Variants in TLE1 observed in about 807,000 individuals in gnomAD.
TLE1 encodes the protein transducin-like enhancer protein 1.
In TLE1, 21 loss-of-function variants were observed where a neutral mutation model predicts 89.8. The ratio of observed to expected loss-of-function variants is 0.23; its 90% CI spans 0.17 to 0.34. TLE1 has a LOEUF of 0.34. Among genes scored for constraint, TLE1 ranks in the 10% least tolerant of loss-of-function variants. TLE1 has a pLI of 1.00. For synonymous variants in TLE1, 447 were observed against 407.6 expected, an observed-to-expected ratio of 1.10 and a Z score of -1.16; for missense variants, 795 against 1,031.2, an observed-to-expected ratio of 0.77 and a Z score of 3.14.
chr9:81,594,033 A>C (rs1433348272), intron 14 of TLE1, among the ~76,000 whole-genome samples: 1 of 152,150 alleles, frequency 6.6e-6, no homozygotes, highest in African/African-American at 2.4e-5. Flanking sequence ...GGAAGCTCTG[A>C]ACTTGAAAGA....
chr9:81,613,376 C>A lies in TLE1; in HGVS notation c.1063+1G>T. 6.2e-7 allele frequency: 1 copy of A among 1,613,660 alleles called. No individual in the cohort carries two copies. The highest frequency in any genetic ancestry group is 8.5e-7 in the Non-Finnish European group (1 of 1,179,790). Reference sequence around the variant, plus strand: ...AAGCACAACAAGAGGCGATGCTGTACCCGCTTGGTTAACGAGGGGGTCTAT... The same window carrying A: ...AAGCACAACAAGAGGCGATGCTGTAACCGCTTGGTTAACGAGGGGGTCTAT... On this transcript the variant is annotated splice_donor_variant, in intron 12 of 19. Transcript: ENST00000376499. LOFTEE classifies it high-confidence loss of function.
At chr9:81,606,787 CCATAT>C (rs1294905987) in intron 14 of TLE1, among the ~76,000 whole-genome samples, 1 of 151,050 alleles carries the variant, frequency 6.6e-6, no homozygotes, top group Non-Finnish European at 1.5e-5. Context: ...AAAAAAAAAA[CCATAT>C]ATATATATAT....
At chr9:81,587,039 T>G (rs573498779) in intron 17 of TLE1, among the ~76,000 whole-genome samples, 7 of 152,342 alleles carry the variant, frequency 4.6e-5, no homozygotes, top group African/African-American at 1.7e-4. Flanking sequence ...AAACACTGTT[T>G]TTTCCAAAAC....
At chr9:81,632,192 T>G (rs1826723142) in intron 8 of TLE1, among the ~76,000 whole-genome samples, 1 of 152,162 alleles carries the variant, frequency 6.6e-6, no homozygotes, top group Non-Finnish European at 1.5e-5. Flanking sequence ...GTGTGTAGAA[T>G]ATTTTATTTC....
intron 4 of TLE1, among the ~76,000 whole-genome samples, chr9:81,667,953 C>T (rs192518319): frequency 6.6e-6 from 1 of 152,212 alleles, no homozygotes; most frequent in African/African-American, 2.4e-5. Flanking sequence ...TGCCTGAGGC[C>T]AAGAGTTCGA....
chr9:81,601,807 C>G (rs1219456222), intron 14 of TLE1, among the ~76,000 whole-genome samples: 1 of 152,066 alleles, frequency 6.6e-6, no homozygotes, highest in South Asian at 2.1e-4. Context: ...TTCGAAAATG[C>G]GAACAAGGGA....
intron 14 of TLE1, among the ~76,000 whole-genome samples, chr9:81,609,330 C>T (rs1823407258): frequency 6.6e-6 from 1 of 152,136 alleles, no homozygotes; most frequent in Non-Finnish European, 1.5e-5. Context: ...GGTGATCCAC[C>T]CGCCTCAGCC....
intron 8 of TLE1, among the ~76,000 whole-genome samples, chr9:81,632,475 CTTTTTTT>C (rs11376391): frequency 1.1e-3 from 88 of 79,904 alleles, no homozygotes; most frequent in African/African-American, 2.9e-3. Context: ...TTCAGTATCC[CTTTTTTT>C]TTTTTTTTTT....
chr9:81,679,335 C>G (rs1833312114), intron 4 of TLE1, among the ~76,000 whole-genome samples: 1 of 151,680 alleles, frequency 6.6e-6, no homozygotes, highest in Non-Finnish European at 1.5e-5. Context: ...CCTGTGGACC[C>G]TGCTCAGGAA....
At chr9:81,598,059 G>A (rs772996825) in intron 14 of TLE1, among the ~76,000 whole-genome samples, 2 of 152,154 alleles carry the variant, frequency 1.3e-5, no homozygotes, top group African/African-American at 2.4e-5. Flanking sequence ...GACGGCTGTG[G>A]TCAAGCCCCG....
chr9:81,613,316 C>T, intron 12 of TLE1, 61 bp downstream of exon 12: 1 of 1,590,854 alleles, frequency 6.3e-7, no homozygotes, highest in Non-Finnish European at 8.6e-7. Flanking sequence ...CATTAACAGA[C>T]AACAAATCAA....
chr9:81,618,305 A>G (rs539718923), intron 9 of TLE1, among the ~76,000 whole-genome samples: 5 of 152,338 alleles, frequency 3.3e-5, no homozygotes, highest in East Asian at 3.9e-4. Flanking sequence ...TAGTACAAAC[A>G]AGTGCAAATA....
At chr9:81,638,658 A>T (rs1333699782) in intron 6 of TLE1, among the ~76,000 whole-genome samples, 1 of 152,138 alleles carries the variant, frequency 6.6e-6, no homozygotes, top group Non-Finnish European at 1.5e-5. Flanking sequence ...CAGAGTCTTC[A>T]CTGTTGCCCA....
chr9:81,593,018 C>G lies in TLE1; in HGVS notation c.1581+7G>C. The G allele has an allele frequency of 6.2e-7, 1 of 1,610,026 alleles. No individual in the cohort carries two copies. The highest frequency in any genetic ancestry group is 8.5e-7 in the Non-Finnish European group (1 of 1,176,678). On this transcript the variant is annotated splice_region_variant and intron_variant, in intron 15 of 19. Transcript: ENST00000376499. The stretch of plus-strand genomic sequence containing the variant: ...TTGCCCTTGTGCACCAGTTCCTGTT[C>G]ACTCACCAGACAGTCGAGCTGGGAG...
intron 4 of TLE1, among the ~76,000 whole-genome samples, chr9:81,660,408 T>A (rs1830625133): frequency 6.6e-6 from 1 of 151,988 alleles, no homozygotes; most frequent in South Asian, 2.1e-4. Context: ...GTTTTATTTT[T>A]TTATTTTATT....
At position 81,688,398 on chromosome 9, in the gene TLE1, G is replaced by A; in HGVS notation, c.-158C>T. 2.6e-6 allele frequency: 2 copies of A among 779,214 alleles called. No individual in the cohort carries two copies. The highest frequency in any genetic ancestry group is 3.7e-6 in the Non-Finnish European group (2 of 534,780). The allele number at this position is 779,214 out of a possible 1,614,324, so 48.3% of individuals were successfully genotyped here. On this transcript the variant is annotated 5_prime_UTR_variant, in exon 1 of 20. Coordinates refer to ENST00000376499, the MANE Select transcript of TLE1 (RefSeq NM_005077.5). ...GCTCCGCCGGGCGCACCGGCCACTC[G>A]GCGCCCGCAGCTGCTCCGGCTCCCG...
chr9:81,611,918 G>A lies in TLE1; in HGVS notation c.1105C>T (p.Pro369Ser). Residue 369 changes from proline (P) to serine (S), a missense_variant, in exon 13 of 20, where the codon CCT becomes TCT. Physicochemically the swap from Pro to Ser is moderately conservative, Grantham distance 74 (BLOSUM62 -1). Transcript: ENST00000376499. ...RTPLAVPGPY[P>S]APFGMVPHAG... ...TGGGGGACCATCCCAAAAGGAGCAG[G>A]ATATGGGCCGGGCACTGCCAGGGGT... 6.6e-7 allele frequency: 1 copy of A among 1,512,098 alleles called. No individual in the cohort carries two copies. The highest frequency in any genetic ancestry group is 8.8e-7 in the Non-Finnish European group (1 of 1,133,654). The allele number at this position is 1,512,098 out of a possible 1,614,324, so 93.7% of individuals were successfully genotyped here.
chr9:81,612,124 C>G (rs1281717594), intron 12 of TLE1, among the ~76,000 whole-genome samples, 165 bp from the exon 13 acceptor site: 3 of 152,160 alleles, frequency 2.0e-5, no homozygotes, highest in Non-Finnish European at 4.4e-5. Context: ...CTGGATCCCT[C>G]CTTCCCCAGA....
chr9:81,630,198 G>A (rs1369747842), intron 8 of TLE1, among the ~76,000 whole-genome samples: 5 of 151,312 alleles, frequency 3.3e-5, no homozygotes, highest in Admixed American at 1.3e-4. Flanking sequence ...ACTTTGGTCC[G>A]AGGATCCCTT....
Sources: gnomAD v4.1 joint callset for allele counts (sites outside exome capture counted in the v4.1 genomes callset) on GRCh38, gnomAD v4.1.1 for gene constraint, MANE v1.5 for transcripts, NCBI Gene and HGNC (gene_info 2026-07-23, HGNC 2026-07-21) for gene names.